SYNDIG1L: variants seen among roughly 807,000 people sequenced by gnomAD.
SYNDIG1L encodes the protein synapse differentiation inducing 1 like.
A neutral mutation model predicts 20.1 loss-of-function variants in SYNDIG1L; 13 were observed. The ratio of observed to expected loss-of-function variants is 0.65; its 90% confidence interval spans 0.42 to 1.03. The LOEUF (loss-of-function observed/expected upper bound fraction) is 1.03, where lower values mean the gene tolerates loss of function less well. Ranked by LOEUF, SYNDIG1L falls within the 50% of genes least tolerant of loss-of-function variation. The pLI is 0.00. For missense variants in SYNDIG1L, 294 were observed against 305.1 expected, an observed-to-expected ratio of 0.96 and a Z score of 0.27; for synonymous variants, 128 against 129.3, an observed-to-expected ratio of 0.99 and a Z score of 0.07.
At chr14:74,408,716 G>A (rs747998481) in intron 2 of SYNDIG1L, among the ~76,000 whole-genome samples, 3 of 152,110 alleles carry the variant, frequency 2.0e-5, no homozygotes, top group Non-Finnish European at 2.9e-5. Context: ...ACTAAAATAT[G>A]TTGCTTAGAG....
At chr14:74,467,312 C>G in the SYNDIG1L span, among the ~76,000 whole-genome samples, 1 of 152,040 alleles carries the variant, frequency 6.6e-6, no homozygotes, top group African/African-American at 2.4e-5. Context: ...CCTGTCCTCT[C>G]CAGCATAAGG....
chr14:74,456,393 G>C, the SYNDIG1L span, among the ~76,000 whole-genome samples: 1 of 152,144 alleles, frequency 6.6e-6, no homozygotes, highest in East Asian at 1.9e-4. Context: ...TGCCGGGCCT[G>C]GTGGTGCATG....
At chr14:74,422,997 C>T (rs1016901087) in intron 1 of SYNDIG1L, among the ~76,000 whole-genome samples, 1 of 152,234 alleles carries the variant, frequency 6.6e-6, no homozygotes, top group Middle Eastern at 3.4e-3. Context: ...CTGCACCTGG[C>T]CACACAATTT....
chr14:74,434,347 G>A, the SYNDIG1L span, among the ~76,000 whole-genome samples: 1 of 151,976 alleles, frequency 6.6e-6, no homozygotes, highest in African/African-American at 2.4e-5. Context: ...AACAGTGGTG[G>A]GATTGGGGAG....
the SYNDIG1L span, among the ~76,000 whole-genome samples, chr14:74,442,708 G>A: frequency 0.38 from 57,437 of 152,040 alleles, 11,262 homozygotes; most frequent in Non-Finnish European, 0.43. Context: ...CACTACTACG[G>A]TTCAAATGAA....
chr14:74,445,054 G>C, the SYNDIG1L span, among the ~76,000 whole-genome samples: 36 of 152,134 alleles, frequency 2.4e-4, no homozygotes, highest in Non-Finnish European at 4.6e-4. Context: ...GGTCATGAAG[G>C]TGGATCCCTA....
chr14:74,445,454 T>TTGTGTGTG, the SYNDIG1L span, among the ~76,000 whole-genome samples: 21 of 147,868 alleles, frequency 1.4e-4, 1 homozygote, highest in African/African-American at 5.0e-4. Context: ...GTATTAAAAT[T>TTGTGTGTG]TGTGTGTGTG....
At chr14:74,475,240 T>C in the SYNDIG1L span, among the ~76,000 whole-genome samples, 2 of 151,580 alleles carry the variant, frequency 1.3e-5, no homozygotes, top group Non-Finnish European at 2.9e-5. Context: ...ACTAACGACC[T>C]TTCTCAGCTA....
chr14:74,412,089 T>G (rs540069528), intron 1 of SYNDIG1L, among the ~76,000 whole-genome samples: 1 of 152,322 alleles, frequency 6.6e-6, no homozygotes, highest in Middle Eastern at 3.4e-3. Context: ...AGTTCTTCAG[T>G]GCTCACAAAT....
chr14:74,451,719 C>T, the SYNDIG1L span, among the ~76,000 whole-genome samples: 2 of 152,120 alleles, frequency 1.3e-5, no homozygotes, highest in South Asian at 4.1e-4. Context: ...AGGCCGGGTA[C>T]GGTGGCTCAT....
chr14:74,454,780 C>T, the SYNDIG1L span, among the ~76,000 whole-genome samples: 2 of 152,240 alleles, frequency 1.3e-5, no homozygotes, highest in Non-Finnish European at 2.9e-5. Flanking sequence ...CTTCAGAAGG[C>T]TGGCATCCTT....
At chr14:74,416,954 G>C (rs560759936) in intron 1 of SYNDIG1L, among the ~76,000 whole-genome samples, 40 of 152,288 alleles carry the variant, frequency 2.6e-4, no homozygotes, top group Middle Eastern at 6.8e-3. Context: ...TGGTGAGTGG[G>C]GAGCTGGACA....
the SYNDIG1L span, among the ~76,000 whole-genome samples, chr14:74,457,457 G>T: frequency 2.6e-5 from 4 of 151,758 alleles, no homozygotes; most frequent in African/African-American, 9.7e-5. Context: ...TGCTTCTCTG[G>T]GCCTCCCGCA....
chr14:74,412,214 C>A (rs1011403915), intron 1 of SYNDIG1L, among the ~76,000 whole-genome samples: 2 of 152,174 alleles, frequency 1.3e-5, no homozygotes, highest in Admixed American at 6.5e-5. Context: ...AAGGCAGAGG[C>A]CTTGCTGGGC....
chr14:74,467,805 C>T, the SYNDIG1L span, among the ~76,000 whole-genome samples: 13 of 152,076 alleles, frequency 8.5e-5, no homozygotes, highest in East Asian at 5.8e-4. Flanking sequence ...GTGGAACTGA[C>T]GTGGAGCTGG....
chr14:74,462,017 T>G, the SYNDIG1L span, among the ~76,000 whole-genome samples: 1 of 139,054 alleles, frequency 7.2e-6, no homozygotes, highest in African/African-American at 2.7e-5. Flanking sequence ...ACCTGGGAGG[T>G]GGAGGTTGCA....
chr14:74,441,685 C>CT, the SYNDIG1L span, among the ~76,000 whole-genome samples: 119 of 151,782 alleles, frequency 7.8e-4, no homozygotes, highest in Non-Finnish European at 1.1e-3. Context: ...ACTTTTTAAA[C>CT]TTTTTTTTGT....
chr14:74,451,220 A>G, the SYNDIG1L span, among the ~76,000 whole-genome samples: 3,243 of 152,350 alleles, frequency 0.021, 108 homozygotes, highest in African/African-American at 0.069. Context: ...GCATCAAGAC[A>G]GAAAAATAGT....
At chr14:74,415,184 C>T (rs987179663) in intron 1 of SYNDIG1L, among the ~76,000 whole-genome samples, 5 of 152,296 alleles carry the variant, frequency 3.3e-5, no homozygotes, top group South Asian at 2.1e-4. Context: ...AGAAACAAAC[C>T]AGCCCTCACA....
Sources: allele counts gnomAD v4.1 joint callset (sites outside exome capture counted in the v4.1 genomes callset), GRCh38; gene constraint gnomAD v4.1.1; transcripts MANE v1.5; gene names NCBI Gene and HGNC (gene_info 2026-07-23, HGNC 2026-07-21).